Variants in CILK1 observed in about 807,000 individuals in gnomAD.
CILK1 encodes serine/threonine-protein kinase ICK.
In CILK1, 47 loss-of-function variants were observed where a neutral mutation model predicts 79.2. The ratio of observed to expected loss-of-function variants is 0.59; its 90% CI spans 0.47 to 0.76. The LOEUF (loss-of-function observed/expected upper bound fraction) is 0.76, where lower values mean the gene tolerates loss of function less well. Among genes scored for constraint, CILK1 ranks in the 30% least tolerant of loss-of-function variants. The probability of loss-of-function intolerance (pLI) is 0.00; values close to 1 mark genes in which losing one functional copy is unlikely to be tolerated. For missense variants in CILK1, 660 were observed against 769.5 expected (o/e 0.86, Z 1.68); for synonymous variants, 266 against 275.9 (o/e 0.96, Z 0.36).
chr6:53,032,505 T>C lies in CILK1; in HGVS notation c.278+28A>G, dbSNP rs761624583. The C allele has an allele frequency of 4.0e-6, 6 of 1,490,976 alleles. No homozygotes were observed. The South Asian group carries it at 8.7e-5, about 22-fold the overall frequency. 92.4% of individuals were successfully genotyped at this position (1,490,976 alleles called of 1,614,324 possible). A position where few individuals can be genotyped will look rare whatever the true frequency, so the allele number is the denominator to read the frequency against. On this transcript the variant is annotated intron_variant, in intron 4 of 13. Transcript: ENST00000676107. The stretch of plus-strand genomic sequence containing the variant: ...CATCTGCTTTGCCTATTTATTTCTA[T>C]AATAAGATAATGATGACCAAACTGT...
intron 1 of CILK1, among the ~76,000 whole-genome samples, chr6:53,048,151 C>G (rs1021372224): frequency 6.6e-6 from 1 of 151,962 alleles, no homozygotes; most frequent in Non-Finnish European, 1.5e-5. Flanking sequence ...ATGCAATAGT[C>G]CCATCACATC....
Position 53,029,214 on chromosome 6 carries a change from T to C in CILK1, c.358+1851A>G, listed in dbSNP as rs80299480. ...TGAGAATCCCATTGAATTCTCATTA[T>C]TTCTTTTCCCTGAGCTCTTAATCTA... On this transcript the variant is annotated intron_variant, in intron 5 of 13. Transcript: ENST00000676107. Among the ~76,000 whole-genome samples, 1,021 of 152,338 alleles carry C rather than the reference T, an allele frequency of 6.7e-3. 12 individuals are homozygous for C. Among genetic ancestry groups the C allele is most frequent in the Non-Finnish European group, 8.9e-3 (606 of 68,024 alleles).
intron 1 of CILK1, among the ~76,000 whole-genome samples, chr6:53,056,066 T>C (rs1767842591): frequency 6.6e-6 from 1 of 152,140 alleles, no homozygotes; most frequent in Non-Finnish European, 1.5e-5. Flanking sequence ...CACAAGTTCA[T>C]GTAGATAGTA....
chr6:53,044,575 C>T (rs1352698082), intron 1 of CILK1, among the ~76,000 whole-genome samples: 1 of 151,962 alleles, frequency 6.6e-6, no homozygotes. Flanking sequence ...GTGTGCATTG[C>T]GAGGAAAACA....
chr6:53,015,639 C>A (rs1764847150), intron 8 of CILK1, among the ~76,000 whole-genome samples: 1 of 152,160 alleles, frequency 6.6e-6, no homozygotes, highest in African/African-American at 2.4e-5. Flanking sequence ...ATACTAAGTG[C>A]AGTTACTATC....
intron 5 of CILK1, among the ~76,000 whole-genome samples, chr6:53,024,332 C>T (rs184656051): frequency 6.6e-6 from 1 of 152,180 alleles, no homozygotes; most frequent in East Asian, 1.9e-4. Context: ...TCAAGAATGG[C>T]CTTTAAAATG....
At chr6:53,059,225 T>TG (rs926464014) in intron 1 of CILK1, among the ~76,000 whole-genome samples, 16 of 151,976 alleles carry the variant, frequency 1.1e-4, no homozygotes, top group African/African-American at 2.2e-4. Flanking sequence ...GGGGTGAAAC[T>TG]GGGGGGGAGC....
chr6:53,059,747 G>C (rs1768261150), intron 1 of CILK1, among the ~76,000 whole-genome samples: 1 of 152,228 alleles, frequency 6.6e-6, no homozygotes, highest in Admixed American at 6.5e-5. Context: ...TTTTAGACTT[G>C]AGATAGTACA....
At chr6:53,032,287 G>GA (rs1238024657) in intron 4 of CILK1, among the ~76,000 whole-genome samples, 2 of 151,976 alleles carry the variant, frequency 1.3e-5, no homozygotes, top group South Asian at 2.1e-4. Flanking sequence ...AAGGATTGGA[G>GA]AAAAAATCAG....
chr6:53,027,820 C>T (rs963592769), intron 5 of CILK1, among the ~76,000 whole-genome samples: 4 of 152,066 alleles, frequency 2.6e-5, no homozygotes, highest in Admixed American at 2.0e-4. Context: ...GGCTGGCCAA[C>T]ATGGTGAAAA....
In CILK1 at chr6:53,004,745, C is replaced by G. The variant is rs893598042; in HGVS notation, c.*404G>C. The G allele has an allele frequency of 5.1e-6, 1 of 195,818 alleles. No individual in the cohort carries two copies. Among genetic ancestry groups the G allele is most frequent in the Non-Finnish European group, 1.1e-5 (1 of 94,100 alleles). 12.1% of individuals were successfully genotyped at this position (195,818 alleles called of 1,614,324 possible). ...TATCACATAGCCTTAAATTGCACCC[C>G]TGTTGCAATACTGCATTAATATTAT... On this transcript the variant is annotated 3_prime_UTR_variant, in exon 14 of 14. Transcript: ENST00000676107.
chr6:53,041,095 G>A (rs1331189805), intron 2 of CILK1, 41 bp downstream of exon 2: 1 of 1,309,162 alleles, frequency 7.6e-7, no homozygotes, highest in Non-Finnish European at 1.1e-6. Context: ...AATGGTGAGG[G>A]TAGAGTTAAA....
At chr6:53,022,127 TAA>T (rs1765281786) in intron 5 of CILK1, among the ~76,000 whole-genome samples, 1 of 152,158 alleles carries the variant, frequency 6.6e-6, no homozygotes, top group Admixed American at 6.5e-5. Flanking sequence ...AATGTTATTA[TAA>T]AAGAGTCAAA....
chr6:53,052,096 CCT>C (rs771832315), intron 1 of CILK1: 1 of 152,128 alleles, frequency 6.6e-6, no homozygotes, highest in African/African-American at 2.4e-5. Context: ...TGTTCCCCTC[CCT>C]GTGTCCATGT....
At chr6:53,016,295 T>C in intron 7 of CILK1, 45 bp from the exon 8 acceptor site, 2 of 1,603,394 alleles carry the variant, frequency 1.2e-6, no homozygotes, top group South Asian at 2.2e-5. Context: ...CCAATTGCTG[T>C]GATATAAGTT....
At chr6:53,050,129 T>A (rs925583173) in intron 1 of CILK1, among the ~76,000 whole-genome samples, 3 of 152,150 alleles carry the variant, frequency 2.0e-5, no homozygotes, top group Admixed American at 6.5e-5. Context: ...CATCTACATC[T>A]ACAGAGTCAG....
chr6:53,009,418 G>A (rs1562002666), intron 12 of CILK1, 21 bp downstream of exon 12: 3 of 1,613,312 alleles, frequency 1.9e-6, no homozygotes, highest in Non-Finnish European at 2.5e-6. Context: ...TGCCATTTAG[G>A]GGTTAATGAT....
chr6:53,008,733 A>G (rs555985003), intron 12 of CILK1, among the ~76,000 whole-genome samples: 1 of 152,242 alleles, frequency 6.6e-6, no homozygotes, highest in Non-Finnish European at 1.5e-5. Flanking sequence ...CACCTGGCCA[A>G]AGTTTGACTT....
chr6:53,024,050 G>A (rs1384765781), intron 5 of CILK1, among the ~76,000 whole-genome samples: 2 of 152,216 alleles, frequency 1.3e-5, no homozygotes, highest in African/African-American at 4.8e-5. Context: ...AAAAAAGTTT[G>A]ACATGGGTTA....
Sources: gnomAD v4.1 joint callset for allele counts (sites outside exome capture counted in the v4.1 genomes callset) on GRCh38, gnomAD v4.1.1 for gene constraint, MANE v1.5 for transcripts, NCBI Gene and HGNC (gene_info 2026-07-23, HGNC 2026-07-21) for gene names.